The following SFRP1 variants were observed in gnomAD, a reference collection of about 807,000 sequenced individuals.
The protein encoded by SFRP1 is secreted frizzled related protein 1, also known as secreted frizzled-related protein 1.
SFRP1 carries 9 observed loss-of-function variants against 25.9 expected under a neutral mutation model. The observed-to-expected ratio is 0.35, with a 90% CI of 0.21 to 0.61. The LOEUF (loss-of-function observed/expected upper bound fraction) is 0.61. SFRP1 is among the 20% of genes least tolerant of loss of function. The pLI, the probability that SFRP1 is intolerant of heterozygous loss-of-function variation, is 0.78. For missense variants in SFRP1, 346 were observed against 418.2 expected, an observed-to-expected ratio of 0.83 and a Z score of 1.51; for synonymous variants, 178 against 174.0, an observed-to-expected ratio of 1.02 and a Z score of -0.18.
At chr8:41,273,374 C>G (rs1257092181) in intron 2 of SFRP1, among the ~76,000 whole-genome samples, 1 of 135,158 alleles carries the variant, frequency 7.4e-6, no homozygotes, top group African/African-American at 2.7e-5. Flanking sequence ...ACCTGTGGGC[C>G]GATCTACTCA....
chr8:41,274,573 T>C (rs568426154), intron 2 of SFRP1, among the ~76,000 whole-genome samples: 123 of 152,130 alleles, frequency 8.1e-4, no homozygotes, highest in African/African-American at 2.8e-3. Context: ...TAACAGAAAA[T>C]CAATAAAGAA....
Position 41,265,140 on chromosome 8 carries a change from T to TCCCCCCCCCCCC in SFRP1, c.*26_*27insGGGGGGGGGGGG. On this transcript the variant is annotated 3_prime_UTR_variant, in exon 3 of 3. Transcript: ENST00000220772. ...CCCCCGCTCCCACCCCACCCGAGGC[T>TCCCCCCCCCCCC]CCCTCCCCACCCTGCCCCCGGGAGA... 1 of 181,528 alleles carries TCCCCCCCCCCCC rather than the reference T, an allele frequency of 5.5e-6. No homozygotes were observed. Among genetic ancestry groups the TCCCCCCCCCCCC allele is most frequent in the Non-Finnish European group, 1.1e-5 (1 of 87,578 alleles). The allele number at this position is 181,528 out of a possible 1,614,324, so 11.2% of individuals were successfully genotyped here.
In SFRP1 at chr8:41,308,668, G is replaced by A. The variant is rs1210525217; in HGVS notation, c.492C>T (p.Asp164=). Reference sequence around the variant, plus strand: ...TGGGCGGCGTCATGGCGATGCAGACGTCCCCCTCGGGGAACTTGTCACACT... The same window carrying A: ...TGGGCGGCGTCATGGCGATGCAGACATCCCCCTCGGGGAACTTGTCACACT... ...MLKCDKFPEG[D]VCIAMTPPNA... Residue 164 remains aspartate (D), a synonymous_variant, in exon 1 of 3, where the codon GAC becomes GAT. Coordinates refer to ENST00000220772, the MANE Select transcript of SFRP1 (RefSeq NM_003012.5). 6.2e-7 allele frequency: 1 copy of A among 1,610,662 alleles called. No homozygotes were observed. The highest frequency in any genetic ancestry group is 1.1e-5 in the South Asian group (1 of 90,644).
chr8:41,291,716 C>T (rs538018447), intron 2 of SFRP1, among the ~76,000 whole-genome samples: 1 of 152,122 alleles, frequency 6.6e-6, no homozygotes, highest in African/African-American at 2.4e-5. Flanking sequence ...CACTCACCAG[C>T]GCGGAGCCCA....
chr8:41,303,052 TA>T (rs397891660), intron 2 of SFRP1, among the ~76,000 whole-genome samples: 20,402 of 101,140 alleles, frequency 0.2, 1,705 homozygotes, highest in East Asian at 0.29. Context: ...GGGTAGATGT[TA>T]AAAAAAAAAA....
intron 1 of SFRP1, among the ~76,000 whole-genome samples, chr8:41,308,323 C>T (rs1483455331): frequency 6.6e-6 from 1 of 152,248 alleles, no homozygotes; most frequent in African/African-American, 2.4e-5. Context: ...GAAGTTGGAT[C>T]CCAGGAAGAG....
intron 2 of SFRP1, among the ~76,000 whole-genome samples, chr8:41,285,707 C>T (rs1803691129): frequency 6.6e-6 from 1 of 152,314 alleles, no homozygotes; most frequent in East Asian, 1.9e-4. Context: ...TGCTGAGCCC[C>T]CGTGAGTGCC....
At chr8:41,288,530 CAAAAAAAAAAAAAAAAAAAAA>C (rs397893046) in intron 2 of SFRP1, among the ~76,000 whole-genome samples, 2,713 of 39,126 alleles carry the variant, frequency 0.069, 95 homozygotes, top group African/African-American at 0.14. Flanking sequence ...AGACCCTGTC[CAAAAAAAAAAAAAAAAAAAAA>C]AAAAAAAAAA....
At chr8:41,280,142 G>A (rs560865037) in intron 2 of SFRP1, among the ~76,000 whole-genome samples, 1 of 152,166 alleles carries the variant, frequency 6.6e-6, no homozygotes, top group Non-Finnish European at 1.5e-5. Flanking sequence ...CCCAAGTCCA[G>A]GGGAGTGCAG....
Position 41,265,149 on chromosome 8 carries a change from A to G in SFRP1, c.*18T>C. 1 of 97,432 alleles carries G rather than the reference A, an allele frequency of 1.0e-5. No individual in the cohort carries two copies. Among genetic ancestry groups the G allele is most frequent in the Non-Finnish European group, 1.8e-5 (1 of 54,658 alleles). 6.0% of individuals were successfully genotyped at this position (97,432 alleles called of 1,614,324 possible). ...CCACCCCACCCGAGGCTCCCTCCCC[A>G]CCCTGCCCCCGGGAGAATCACTTAA... On this transcript the variant is annotated 3_prime_UTR_variant, in exon 3 of 3. Coordinates refer to ENST00000220772, the MANE Select transcript of SFRP1 (RefSeq NM_003012.5).
At chr8:41,286,009 A>G (rs1015503443) in intron 2 of SFRP1, among the ~76,000 whole-genome samples, 15 of 122,294 alleles carry the variant, frequency 1.2e-4, no homozygotes, top group African/African-American at 4.4e-4. Flanking sequence ...TCCTCATTCT[A>G]TGGAACTGGG....
rs774962972 is a variant in SFRP1, at chr8:41,308,839, G to C, written c.321C>G (p.Ala107=). 6.2e-6 allele frequency: 10 copies of C among 1,609,908 alleles called. No individual in the cohort carries two copies. The East Asian group carries it at 1.8e-4, about 29-fold the overall frequency. The change falls in exon 1 of 3, where the codon GCC becomes GCG. Residue 107 remains alanine, a synonymous_variant. Transcript: ENST00000220772. Reference sequence around the variant, plus strand: ...GCGAGCAGAGGAAGACCTGGGTGCCGGCGTGGCAGTTCTTGTTGAGCAGGG... The same window carrying C: ...GCGAGCAGAGGAAGACCTGGGTGCCCGCGTGGCAGTTCTTGTTGAGCAGGG... ...WVPLLNKNCH[A]GTQVFLCSLF... is the part of the protein sequence containing the mutation.
chr8:41,278,153 G>A (rs999881626), intron 2 of SFRP1, among the ~76,000 whole-genome samples: 3 of 152,180 alleles, frequency 2.0e-5, no homozygotes, highest in African/African-American at 7.2e-5. Context: ...AGCAAAATTG[G>A]CACAGGCCTG....
Position 41,265,086 on chromosome 8 carries a change from T to C in SFRP1, c.*81A>G, listed in dbSNP as rs1451026924. 1 of 1,007,870 alleles carries C rather than the reference T, an allele frequency of 9.9e-7. No individual in the cohort carries two copies. The highest frequency in any genetic ancestry group is 1.6e-5 in the African/African-American group (1 of 61,728). The allele number at this position is 1,007,870 out of a possible 1,614,324, so 62.4% of individuals were successfully genotyped here. On this transcript the variant is annotated 3_prime_UTR_variant, in exon 3 of 3. Coordinates refer to ENST00000220772, the MANE Select transcript of SFRP1 (RefSeq NM_003012.5). ...TACTGACAGGCGCAGTGCGTGTGTGTGACCCACCGGGTTCCCGGGGCACTG... is the reference window on the plus strand; with the variant it reads ...TACTGACAGGCGCAGTGCGTGTGTGCGACCCACCGGGTTCCCGGGGCACTG...
chr8:41,288,518 A>G (rs907758033), intron 2 of SFRP1, among the ~76,000 whole-genome samples: 1 of 127,162 alleles, frequency 7.9e-6, no homozygotes, highest in Non-Finnish European at 1.6e-5. Flanking sequence ...GCCTGGGCAA[A>G]GAGACCCTGT....
intron 1 of SFRP1, among the ~76,000 whole-genome samples, chr8:41,303,905 C>T (rs1425778858): frequency 1.3e-5 from 2 of 152,180 alleles, no homozygotes; most frequent in African/African-American, 4.8e-5. Flanking sequence ...TTCCCATCCT[C>T]TCCCTTCTCC....
chr8:41,288,800 C>A (rs185920652), intron 2 of SFRP1, among the ~76,000 whole-genome samples: 1 of 152,196 alleles, frequency 6.6e-6, no homozygotes, highest in Admixed American at 6.5e-5. Flanking sequence ...CAGGCTCTCT[C>A]CTACCCTATG....
chr8:41,265,430 T>C lies in SFRP1; in HGVS notation c.682A>G (p.Lys228Glu), dbSNP rs930950453. The C allele has an allele frequency of 4.3e-6, 7 of 1,611,976 alleles. No individual in the cohort carries two copies. The highest frequency in any genetic ancestry group is 1.3e-5 in the African/African-American group (1 of 74,756). The change falls in exon 3 of 3, where the codon AAG becomes GAG. Residue 228 changes from lysine to glutamate, a missense_variant. By Grantham distance (56) the Lys-to-Glu change is moderately conservative. Transcript: ENST00000220772. ...KENGDKKIVPKKKKPLKLGPI... is the reference protein window; with the variant it reads ...KENGDKKIVPEKKKPLKLGPI... The stretch of plus-strand genomic sequence containing the variant: ...CCCAACTTCAGGGGCTTCTTCTTCT[T>C]GGGGACAATCTTCTTGTCGCCATTT...
chr8:41,278,755 A>G (rs1464818807), intron 2 of SFRP1, among the ~76,000 whole-genome samples: 4 of 152,172 alleles, frequency 2.6e-5, no homozygotes, highest in African/African-American at 9.7e-5. Flanking sequence ...ACACTCCACA[A>G]ATAATAATCA....
Sources: allele counts gnomAD v4.1 joint callset (sites outside exome capture counted in the v4.1 genomes callset), GRCh38; gene constraint gnomAD v4.1.1; transcripts MANE v1.5; gene names NCBI Gene and HGNC (gene_info 2026-07-23, HGNC 2026-07-21).